The following PCDHA6 variants were observed in gnomAD, a reference collection of about 807,000 sequenced individuals.
The protein encoded by PCDHA6 is protocadherin alpha-6.
Under a neutral mutation model 60.3 loss-of-function variants are expected in PCDHA6, and 55 were observed. The ratio of observed to expected loss-of-function variants is 0.91; its 90% confidence interval spans 0.73 to 1.14. PCDHA6 has a LOEUF of 1.14. Ranked by LOEUF, PCDHA6 falls within the 50% of genes most tolerant of loss-of-function variation. The pLI, the probability that PCDHA6 is intolerant of heterozygous loss-of-function variation, is 0.00. For synonymous variants in PCDHA6, 652 were observed against 557.9 expected (o/e 1.17, Z -2.38); for missense variants, 1,327 against 1,256.5 (o/e 1.06, Z -0.85).
chr5:140,991,534 T>C (rs1393603513), intron 3 of PCDHA6, among the ~76,000 whole-genome samples: 1 of 152,236 alleles, frequency 6.6e-6, no homozygotes, highest in African/African-American at 2.4e-5. Context: ...CTTGCCACTA[T>C]ATAACAAGGA....
chr5:140,864,096 T>A (rs1459291547), intron 1 of PCDHA6: 1 of 152,388 alleles, frequency 6.6e-6, no homozygotes, highest in South Asian at 2.1e-4. Context: ...TTGATAAGTA[T>A]AATGATAATA....
At chr5:140,927,925 C>G in intron 1 of PCDHA6, 4 of 1,614,214 alleles carry the variant, frequency 2.5e-6, no homozygotes, top group Non-Finnish European at 8.5e-7. Flanking sequence ...CTTCCTGACT[C>G]TTTCGAACCC....
chr5:140,884,105 C>T, intron 1 of PCDHA6: 2 of 1,613,466 alleles, frequency 1.2e-6, no homozygotes, highest in South Asian at 2.2e-5. Flanking sequence ...TGAATTGCAG[C>T]TGGCGGCGGT....
chr5:140,971,487 C>G (rs1285006281), intron 1 of PCDHA6, among the ~76,000 whole-genome samples: 1 of 152,110 alleles, frequency 6.6e-6, no homozygotes, highest in African/African-American at 2.4e-5. Flanking sequence ...CACATTGTTA[C>G]AGTGTGGCAA....
At position 140,844,006 on chromosome 5, in the gene PCDHA6, C is replaced by T. The variant is rs1258789343; in HGVS notation, c.2394+13521C>T. Among the ~76,000 whole-genome samples, 3 of 149,656 alleles carry T rather than the reference C, an allele frequency of 2.0e-5. No homozygotes were observed. In the Admixed American group the frequency reaches 2.0e-4, roughly 10 times the overall value. ...ACAGCCGTCTTCTCTGAACAATACT[C>T]TAAGGACGTTCAGGGCATTTTGATC... is the stretch of plus-strand genomic sequence containing the variant. On this transcript the variant is annotated intron_variant, in intron 1 of 3. Coordinates refer to ENST00000529310, the MANE Select transcript of PCDHA6 (RefSeq NM_018909.4).
chr5:140,836,434 T>G (rs2150261046), intron 1 of PCDHA6: 2 of 1,613,832 alleles, frequency 1.2e-6, no homozygotes, highest in Admixed American at 1.7e-5. Flanking sequence ...CGGGCATCGT[T>G]GGGCATTGCA....
At chr5:140,864,331 TG>T (rs1554158785) in intron 1 of PCDHA6, 2 of 152,248 alleles carry the variant, frequency 1.3e-5, no homozygotes, top group African/African-American at 4.8e-5. Context: ...CATAATTATT[TG>T]AGTTTAAAAC....
chr5:140,850,349 G>A (rs2150480668), intron 1 of PCDHA6: 3 of 1,597,844 alleles, frequency 1.9e-6, no homozygotes, highest in Non-Finnish European at 1.7e-6. Flanking sequence ...CGGCCAGCGC[G>A]AGCATCCCGT....
intron 1 of PCDHA6, chr5:140,850,613 G>T: frequency 6.3e-7 from 1 of 1,598,580 alleles, no homozygotes; most frequent in South Asian, 1.1e-5. Flanking sequence ...CCATCTGCGC[G>T]GTGTCTAGCC....
intron 1 of PCDHA6, among the ~76,000 whole-genome samples, chr5:140,957,326 C>G (rs2095350528): frequency 6.6e-6 from 1 of 152,118 alleles, no homozygotes; most frequent in African/African-American, 2.4e-5. Context: ...GAGCACAGTA[C>G]AGTAAGATAT....
At chr5:140,949,203 T>C (rs879971307) in intron 1 of PCDHA6, among the ~76,000 whole-genome samples, 13 of 151,790 alleles carry the variant, frequency 8.6e-5, no homozygotes, top group East Asian at 1.9e-4. Flanking sequence ...TTCAGTCTTT[T>C]AAAAATCTGT....
intron 1 of PCDHA6, chr5:140,842,702 A>G (rs1554139288): frequency 2.5e-6 from 4 of 1,595,028 alleles, no homozygotes; most frequent in Non-Finnish European, 1.7e-6. Flanking sequence ...GCCCGAGTAC[A>G]CGGTGTTCGT....
chr5:140,936,710 A>G (rs2091103513), intron 1 of PCDHA6, among the ~76,000 whole-genome samples: 1 of 152,216 alleles, frequency 6.6e-6, no homozygotes. Flanking sequence ...TTCTTGTGCC[A>G]ATACATTCTG....
At chr5:140,881,563 T>C (rs894982822) in intron 1 of PCDHA6, among the ~76,000 whole-genome samples, 4 of 152,232 alleles carry the variant, frequency 2.6e-5, no homozygotes, top group Non-Finnish European at 5.9e-5. Flanking sequence ...AAATATCTTA[T>C]CTACATCTCA....
intron 1 of PCDHA6, chr5:140,928,708 T>C: frequency 1.2e-6 from 2 of 1,614,208 alleles, no homozygotes; most frequent in Non-Finnish European, 1.7e-6. Context: ...GGCGTCTGAC[T>C]CTAGTCTCTT....
chr5:140,978,887 A>T, intron 1 of PCDHA6, 62 bp from the exon 2 acceptor site: 1 of 1,611,648 alleles, frequency 6.2e-7, no homozygotes, highest in Non-Finnish European at 8.5e-7. Context: ...ATCAATTAGC[A>T]GCATTCCTGG....
intron 1 of PCDHA6, chr5:140,929,578 TA>T: frequency 2.2e-6 from 1 of 445,404 alleles, no homozygotes; most frequent in Non-Finnish European, 4.0e-6. Flanking sequence ...ATAAAAGTAA[TA>T]TGACATAAAG....
At chr5:140,885,985 G>A (rs879977606) in intron 1 of PCDHA6, among the ~76,000 whole-genome samples, 3 of 152,110 alleles carry the variant, frequency 2.0e-5, no homozygotes, top group Admixed American at 2.0e-4. Context: ...AGATTCGCAT[G>A]TGGTTGAAAG....
intron 1 of PCDHA6, chr5:140,866,411 A>G (rs2049340937): frequency 6.6e-6 from 1 of 152,118 alleles, no homozygotes; most frequent in African/African-American, 2.4e-5. Context: ...GAAAATCTTC[A>G]AATGTGTGTA....
Sources: gnomAD v4.1 joint callset for allele counts (sites outside exome capture counted in the v4.1 genomes callset) on GRCh38, gnomAD v4.1.1 for gene constraint, MANE v1.5 for transcripts, NCBI Gene and HGNC (gene_info 2026-07-23, HGNC 2026-07-21) for gene names.